CDK15: variants seen among roughly 807,000 people sequenced by gnomAD.
CDK15 encodes the protein cyclin dependent kinase 15, also known as cyclin-dependent kinase 15.
A neutral mutation model predicts 60.3 loss-of-function variants in CDK15; 62 were observed. The observed-to-expected ratio is 1.03, with a 90% CI of 0.84 to 1.27. The LOEUF is 1.27. Among genes scored for constraint, CDK15 ranks in the 50% most tolerant of loss-of-function variants. The pLI is 0.00. For synonymous variants in CDK15, 194 were observed against 195.7 expected (o/e 0.99, Z 0.07); for missense variants, 541 against 527.8 (o/e 1.03, Z -0.25).
intron 2 of CDK15, 53 bp downstream of exon 2, chr2:201,807,696 G>A (rs1480627172): frequency 2.0e-5 from 32 of 1,606,582 alleles, no homozygotes; most frequent in Admixed American, 1.0e-4. Context: ...GCTTGTCTAC[G>A]GAGGCCGGCC....
At chr2:201,842,084 A>G (rs1697413713) in intron 8 of CDK15, among the ~76,000 whole-genome samples, 1 of 152,142 alleles carries the variant, frequency 6.6e-6, no homozygotes, top group Admixed American at 6.6e-5. Context: ...ACCACTGTCC[A>G]TCTCCAGAAC....
chr2:201,845,346 C>T lies in CDK15; in HGVS notation c.852-2035C>T, dbSNP rs867928667. Among the ~76,000 whole-genome samples the T allele has an allele frequency of 2.6e-5, 4 of 152,184 alleles. No homozygotes were observed. The Middle Eastern group carries it at 0.014, about 518-fold the overall frequency. On this transcript the variant is annotated intron_variant, in intron 8 of 13. Coordinates refer to ENST00000652192, the MANE Select transcript of CDK15 (RefSeq NM_001366386.2). ...TACAGGATAAGATACAAATAAATTTCAGTCTTTCTTTTAATATGTATTCTG... is the reference window on the plus strand; with the variant it reads ...TACAGGATAAGATACAAATAAATTTTAGTCTTTCTTTTAATATGTATTCTG...
At chr2:201,861,745 G>C (rs1478706444) in intron 10 of CDK15, among the ~76,000 whole-genome samples, 1 of 151,942 alleles carries the variant, frequency 6.6e-6, no homozygotes, top group Non-Finnish European at 1.5e-5. Flanking sequence ...ATTTTTAGTA[G>C]AGACAGGGTT....
At position 201,882,666 on chromosome 2, in the gene CDK15, C is replaced by T. The variant is rs369083589; in HGVS notation, c.1198+2499C>T. Among the ~76,000 whole-genome samples the T allele has an allele frequency of 4.8e-4, 61 of 128,062 alleles. No individual in the cohort carries two copies. The highest frequency in any genetic ancestry group is 1.6e-3 in the African/African-American group (55 of 35,160). The allele number at this position is 128,062 out of a possible 152,430, so 84.0% of individuals were successfully genotyped here. On this transcript the variant is annotated intron_variant, in intron 12 of 13. Transcript: ENST00000652192. This position sits in a 1 kb window ranked among gnomAD's most constrained non-coding sequence, Gnocchi z 4.0. ...GCTTCTGTGTGTGTGTGCTCGTGCA[C>T]ATGAGTGCACGAGCATGTGTGTGTG...
At chr2:201,854,710 ACACT>A in intron 9 of CDK15, 160 bp from the exon 10 acceptor site, 1 of 609,040 alleles carries the variant, frequency 1.6e-6, no homozygotes, top group Non-Finnish European at 2.9e-6. Flanking sequence ...AACGTTGGAA[ACACT>A]CAAGTTTCTT....
chr2:201,868,686 CAA>C (rs77783484), intron 10 of CDK15, among the ~76,000 whole-genome samples: 28 of 135,792 alleles, frequency 2.1e-4, no homozygotes, highest in African/African-American at 5.1e-4. Context: ...AATAAGTTTA[CAA>C]AAAAAAAAAA....
At chr2:201,860,352 C>G (rs536794026) in intron 10 of CDK15, among the ~76,000 whole-genome samples, 2 of 152,334 alleles carry the variant, frequency 1.3e-5, no homozygotes, top group Admixed American at 1.3e-4. Context: ...TGACATTAGT[C>G]AATGCATTTG....
At chr2:201,843,210 G>A (rs1362532184) in intron 8 of CDK15, among the ~76,000 whole-genome samples, 1 of 151,906 alleles carries the variant, frequency 6.6e-6, no homozygotes, top group East Asian at 1.9e-4. Context: ...TTTATTAGAT[G>A]GAGTCTGGCT....
At chr2:201,846,982 T>C (rs1021130614) in intron 8 of CDK15, among the ~76,000 whole-genome samples, 1 of 152,252 alleles carries the variant, frequency 6.6e-6, no homozygotes, top group Non-Finnish European at 1.5e-5. Context: ...TGTCATAGTT[T>C]AACTTGCATT....
chr2:201,886,408 C>G (rs1277332217), intron 12 of CDK15, among the ~76,000 whole-genome samples: 2 of 151,464 alleles, frequency 1.3e-5, no homozygotes, highest in Non-Finnish European at 2.9e-5. Context: ...TCACTGCAAT[C>G]TCCATGTCCC....
At chr2:201,864,981 TG>T (rs1698559501) in intron 10 of CDK15, among the ~76,000 whole-genome samples, 1 of 152,042 alleles carries the variant, frequency 6.6e-6, no homozygotes, top group Admixed American at 6.6e-5. Flanking sequence ...GGGAACCCTG[TG>T]GGGCCAGTAC....
In CDK15 at chr2:201,807,963, C is replaced by T; in HGVS notation, c.368+11C>T. ...CAAGGGGATTAGCAGGTGAGTGACA[C>T]ATAGCTGGGAGAGACTTTAGAGATG... On this transcript the variant is annotated intron_variant, in intron 3 of 13. Coordinates refer to ENST00000652192, the MANE Select transcript of CDK15 (RefSeq NM_001366386.2). 6.2e-7 allele frequency: 1 copy of T among 1,607,280 alleles called. No individual in the cohort carries two copies. The highest frequency in any genetic ancestry group is 1.3e-5 in the African/African-American group (1 of 74,764).
chr2:201,816,455 G>GTTTTTTTTTTTTTTTTTTTTTTTT (rs55930032), intron 4 of CDK15, among the ~76,000 whole-genome samples: 4 of 79,854 alleles, frequency 5.0e-5, no homozygotes, highest in African/African-American at 1.0e-4. Flanking sequence ...TAAGGAAATG[G>GTTTTTTTTTTTTTTTTTTTTTTTT]TTTTTTTTTT....
At chr2:201,892,551 G>A (rs371406380) in intron 13 of CDK15, among the ~76,000 whole-genome samples, 14 of 152,292 alleles carry the variant, frequency 9.2e-5, no homozygotes, top group South Asian at 2.1e-4. Context: ...TGTGGCCTGC[G>A]CCAGCAATTG....
At chr2:201,838,606 T>C (rs1697229091) in intron 8 of CDK15, among the ~76,000 whole-genome samples, 2 of 151,702 alleles carry the variant, frequency 1.3e-5, no homozygotes, top group Admixed American at 1.3e-4. Flanking sequence ...AGAGTCTCAC[T>C]TTGTTGCCCA....
chr2:201,847,599 A>G, intron 9 of CDK15, 125 bp downstream of exon 9: 1 of 781,644 alleles, frequency 1.3e-6, no homozygotes, highest in Non-Finnish European at 2.1e-6. Context: ...TTAAGATTGT[A>G]GAAACTGTAG....
At chr2:201,817,378 C>T (rs1696041548) in intron 4 of CDK15, among the ~76,000 whole-genome samples, 5 of 152,156 alleles carry the variant, frequency 3.3e-5, no homozygotes, top group Middle Eastern at 3.4e-3. Flanking sequence ...TCTGATGATT[C>T]GTGATGTTGA....
intron 10 of CDK15, among the ~76,000 whole-genome samples, chr2:201,859,522 G>A (rs576024562): frequency 8.9e-4 from 136 of 152,266 alleles, no homozygotes; most frequent in African/African-American, 3.2e-3. Flanking sequence ...AAGAAGCAGA[G>A]AATACCATTC....
intron 8 of CDK15, among the ~76,000 whole-genome samples, chr2:201,843,266 A>G (rs1280861814): frequency 6.6e-6 from 1 of 152,102 alleles, no homozygotes; most frequent in African/African-American, 2.4e-5. Flanking sequence ...GGCTCACTGC[A>G]ACCTCCAACT....
Sources: gnomAD v4.1 joint callset for allele counts (sites outside exome capture counted in the v4.1 genomes callset) on GRCh38, gnomAD v4.1.1 for gene constraint, Gnocchi (gnomAD v3.1) non-coding constraint, MANE v1.5 for transcripts, NCBI Gene and HGNC (gene_info 2026-07-23, HGNC 2026-07-21) for gene names.